Variants in LRRC53 observed in about 807,000 individuals in gnomAD.
The protein encoded by LRRC53 is leucine-rich repeat-containing protein 53.
LRRC53 carries 25 observed loss-of-function variants against 13.6 expected under a neutral mutation model. The observed-to-expected ratio is 1.83, with a 90% confidence interval of 1.34 to 2.56. The LOEUF (loss-of-function observed/expected upper bound fraction) is 2.56, where lower values mean the gene tolerates loss of function less well. Ranked by LOEUF, LRRC53 falls within the 30% of genes most tolerant of loss-of-function variation. The pLI is 0.00. For missense variants in LRRC53, 527 were observed against 275.8 expected (o/e 1.91, Z -6.45); for synonymous variants, 204 against 109.8 (o/e 1.86, Z -5.37).
chr1:74,520,811 G>A, the LRRC53 span, among the ~76,000 whole-genome samples: 600 of 152,194 alleles, frequency 3.9e-3, 6 homozygotes, highest in African/African-American at 0.014. Context: ...AGCTGGGGTG[G>A]GTGTAACAGG....
chr1:74,515,151 G>A (rs1205072939), upstream of LRRC53, among the ~76,000 whole-genome samples: 1 of 152,042 alleles, frequency 6.6e-6, no homozygotes, highest in Non-Finnish European at 1.5e-5. Flanking sequence ...GCATAACAGT[G>A]AAAGAATACA....
chr1:74,524,800 A>C, the LRRC53 span, among the ~76,000 whole-genome samples: 1 of 151,954 alleles, frequency 6.6e-6, no homozygotes. Context: ...GGGCTGCCTC[A>C]TGAAGGGGGA....
rs771308572 is a variant in LRRC53, at chr1:74,492,183, C to A, written c.-26-8808G>T. On this transcript the variant is annotated intron_variant, in intron 1 of 4. Transcript: ENST00000294635. Reference sequence around the variant, plus strand: ...GCCTGGTGAACCGGGGAGGACCTGGCCGGAGTCATGTGGCAGCATTAAGAA... The same window carrying A: ...GCCTGGTGAACCGGGGAGGACCTGGACGGAGTCATGTGGCAGCATTAAGAA... 6.2e-7 allele frequency: 1 copy of A among 1,612,990 alleles called. No homozygotes were observed. Among genetic ancestry groups the A allele is most frequent in the East Asian group, 2.2e-5 (1 of 44,862 alleles).
chr1:74,499,315 A>T (rs1164992751), intron 1 of LRRC53, among the ~76,000 whole-genome samples: 1 of 152,014 alleles, frequency 6.6e-6, no homozygotes, highest in African/African-American at 2.4e-5. Context: ...TTAATTTTTA[A>T]TTTTTATTTT....
intron 1 of LRRC53, among the ~76,000 whole-genome samples, chr1:74,510,226 G>A (rs1402628403): frequency 6.6e-6 from 1 of 152,116 alleles, no homozygotes; most frequent in African/African-American, 2.4e-5. Flanking sequence ...AAGATCTGAG[G>A]CCAGGTGCAG....
In LRRC53 at chr1:74,471,856, T is replaced by C. The variant is rs1667947983; in HGVS notation, c.1766A>G (p.Lys589Arg). ...TGAGTGTTGTCTACGATTTGGCTTC[T>C]TTTCTTTCATGTAATCTTCAAATTG... is the stretch of plus-strand genomic sequence containing the variant. ...CEQFEDYMKEKKPNRRQHSKP... is the reference protein window; with the variant it reads ...CEQFEDYMKERKPNRRQHSKP... The change falls in exon 5 of 5, where the codon AAG becomes AGG. Residue 589 changes from lysine to arginine, a missense_variant. Transcript: ENST00000294635. 3 of 452,058 alleles carry C rather than the reference T, an allele frequency of 6.6e-6. No homozygotes were observed. Among genetic ancestry groups the C allele is most frequent in the African/African-American group, 2.0e-5 (1 of 49,728 alleles). The allele number at this position is 452,058 out of a possible 1,614,324, so 28.0% of individuals were successfully genotyped here. A position where few individuals can be genotyped will look rare whatever the true frequency, so the allele number is the denominator to read the frequency against.
chr1:74,493,096 A>T (rs274605), intron 1 of LRRC53, among the ~76,000 whole-genome samples: 1 of 151,940 alleles, frequency 6.6e-6, no homozygotes, highest in Non-Finnish European at 1.5e-5. Context: ...ATTTAGTCAC[A>T]TGGGAGGCTA....
chr1:74,489,370 A>G (rs181527937), intron 1 of LRRC53: 11 of 940,346 alleles, frequency 1.2e-5, no homozygotes, highest in Middle Eastern at 4.5e-4. Flanking sequence ...CTCCATCCAT[A>G]TTTGCCCTAT....
the LRRC53 span, among the ~76,000 whole-genome samples, chr1:74,529,795 A>G: frequency 1.3e-5 from 2 of 152,188 alleles, no homozygotes; most frequent in South Asian, 4.1e-4. Context: ...TCATATATTC[A>G]CTTCAGCCAT....
the LRRC53 span, among the ~76,000 whole-genome samples, chr1:74,520,159 C>T: frequency 5.8e-5 from 1 of 17,158 alleles, no homozygotes; most frequent in African/African-American, 1.3e-4. Flanking sequence ...CCCCTTTCCA[C>T]CCTTTCCCCG....
rs1168268327 is a variant in LRRC53 at position 74,471,931 on chromosome 1, C to G, written c.1691G>C (p.Arg564Thr). 1 of 502,874 alleles carries G rather than the reference C, an allele frequency of 2.0e-6. No homozygotes were observed. Among genetic ancestry groups the G allele is most frequent in the Non-Finnish European group, 3.5e-6 (1 of 282,396 alleles). 31.2% of individuals were successfully genotyped at this position (502,874 alleles called of 1,614,324 possible). Reference sequence around the variant, plus strand: ...AAGAGAATTGTTTGGCTGAAAATACCTAGGTTTGCTCTGTTTTAACAGTCC... The same window carrying G: ...AAGAGAATTGTTTGGCTGAAAATACGTAGGTTTGCTCTGTTTTAACAGTCC... ...PCGLLKQSKP[R>T]YFQPNNSLIC... The change falls in exon 5 of 5, where the codon AGG becomes ACG. Residue 564 changes from arginine to threonine, a missense_variant. Coordinates refer to ENST00000294635, the MANE Select transcript of LRRC53 (RefSeq NM_001382280.1).
At chr1:74,478,984 T>G (rs1427473494) in intron 3 of LRRC53, among the ~76,000 whole-genome samples, 1 of 152,226 alleles carries the variant, frequency 6.6e-6, no homozygotes, top group Non-Finnish European at 1.5e-5. Flanking sequence ...GTAGTTCCAT[T>G]GTCTATACCT....
chr1:74,491,444 G>T (rs548158807), intron 1 of LRRC53, among the ~76,000 whole-genome samples: 1 of 152,190 alleles, frequency 6.6e-6, no homozygotes, highest in Admixed American at 6.5e-5. Flanking sequence ...GTGTCGATCT[G>T]TTGACCAGGA....
At chr1:74,532,197 T>A in the LRRC53 span, among the ~76,000 whole-genome samples, 2 of 152,176 alleles carry the variant, frequency 1.3e-5, no homozygotes, top group Non-Finnish European at 2.9e-5. Context: ...TGCATGTGTA[T>A]CTCATGTTTT....
the LRRC53 span, among the ~76,000 whole-genome samples, chr1:74,534,026 G>A: frequency 1.3e-5 from 2 of 152,254 alleles, no homozygotes; most frequent in African/African-American, 2.4e-5. Context: ...TCCCCAAAAC[G>A]CCGGTGAAAT....
intron 1 of LRRC53, chr1:74,492,273 G>A: frequency 6.7e-7 from 1 of 1,500,522 alleles, no homozygotes; most frequent in Non-Finnish European, 9.0e-7. Context: ...AAAGGTGAGT[G>A]GTAATATAAG....
At chr1:74,503,647 G>A (rs1159655413) in intron 1 of LRRC53, among the ~76,000 whole-genome samples, 1 of 152,104 alleles carries the variant, frequency 6.6e-6, no homozygotes, top group Non-Finnish European at 1.5e-5. Flanking sequence ...CTTCCTGAAC[G>A]TCAGTTATCA....
chr1:74,472,946 G>A lies in LRRC53; in HGVS notation c.1421-745C>T, dbSNP rs116490595. Among the ~76,000 whole-genome samples the A allele has an allele frequency of 4.6e-3, 702 of 152,114 alleles. 11 individuals carry two copies. The highest frequency in any genetic ancestry group is 0.016 in the African/African-American group (678 of 41,520). ...ATCTTTCATTTACTAAAGGAAAATA[G>A]TACATGATGAACCATTCAGAAAGGA... On this transcript the variant is annotated intron_variant, in intron 4 of 4. Transcript: ENST00000294635.
At chr1:74,530,323 C>T in the LRRC53 span, among the ~76,000 whole-genome samples, 3 of 152,324 alleles carry the variant, frequency 2.0e-5, no homozygotes, top group South Asian at 6.2e-4. Flanking sequence ...TTGAGAAAGA[C>T]TTAATAACTG....
Sources: allele counts gnomAD v4.1 joint callset (sites outside exome capture counted in the v4.1 genomes callset), GRCh38; gene constraint gnomAD v4.1.1; transcripts MANE v1.5; gene names NCBI Gene and HGNC (gene_info 2026-07-23, HGNC 2026-07-21).